TIMM21: variants seen among roughly 807,000 people sequenced by gnomAD.
The protein encoded by TIMM21 is translocase of inner mitochondrial membrane 21, also known as mitochondrial import inner membrane translocase subunit Tim21.
Under a neutral mutation model 27.7 loss-of-function variants are expected in TIMM21, and 30 were observed. The ratio of observed to expected loss-of-function variants is 1.08; its 90% CI spans 0.81 to 1.47. The LOEUF is 1.47. Ranked by LOEUF, TIMM21 falls within the 40% of genes most tolerant of loss-of-function variation. TIMM21 has a pLI of 0.00. For synonymous variants in TIMM21, 121 were observed against 114.4 expected, an observed-to-expected ratio of 1.06 and a Z score of -0.37; for missense variants, 292 against 302.9, an observed-to-expected ratio of 0.96 and a Z score of 0.27.
chr18:74,159,505 T>G lies in TIMM21; in HGVS notation c.*1025T>G, dbSNP rs150110747. ...GAACTGTCTGTAGAGGAATTTCTGA[T>G]GTGTTCTTGAAATTTTGGGATATTC... On this transcript the variant is annotated 3_prime_UTR_variant, in exon 6 of 6. Transcript: ENST00000169551. 2.0e-3 allele frequency: 303 copies of G among 152,178 alleles called. 1 individual carries two copies. The highest frequency in any genetic ancestry group is 7.0e-3 in the African/African-American group (291 of 41,518). The allele number at this position is 152,178 out of a possible 1,614,324, so 9.4% of individuals were successfully genotyped here. A position where few individuals can be genotyped will look rare whatever the true frequency, so the allele number is the denominator to read the frequency against.
At chr18:74,156,615 CG>C (rs1352399354) in intron 3 of TIMM21, 4 of 236,190 alleles carry the variant, frequency 1.7e-5, no homozygotes, top group Non-Finnish European at 2.4e-5. Flanking sequence ...TTACAGACTC[CG>C]GAAATACCTG....
At chr18:74,157,760 T>C in intron 3 of TIMM21, 1 of 441,774 alleles carries the variant, frequency 2.3e-6, no homozygotes, top group Non-Finnish European at 4.1e-6. Flanking sequence ...CATGCCCAGC[T>C]GATTTTTATA....
chr18:74,154,284 C>T (rs1358260069), intron 1 of TIMM21, among the ~76,000 whole-genome samples: 1 of 150,534 alleles, frequency 6.6e-6, no homozygotes. Context: ...TTTTTTTGGA[C>T]GGAGTCTCGC....
At chr18:74,157,742 C>T (rs921645130) in intron 3 of TIMM21, 17 of 375,848 alleles carry the variant, frequency 4.5e-5, no homozygotes, top group Middle Eastern at 8.0e-4. Context: ...ACTACAGATG[C>T]GCATCACCAT....
At chr18:74,158,349 T>G in intron 5 of TIMM21, 27 bp from the exon 6 acceptor site, 2 of 1,605,804 alleles carry the variant, frequency 1.2e-6, no homozygotes, top group Non-Finnish European at 8.5e-7. Flanking sequence ...AGGAAAATAA[T>G]ACCTGGAAAC....
chr18:74,158,351 C>A, intron 5 of TIMM21, 25 bp from the exon 6 acceptor site: 1 of 1,604,730 alleles, frequency 6.2e-7, no homozygotes, highest in South Asian at 1.1e-5. Context: ...GAAAATAATA[C>A]CTGGAAACAC....
At chr18:74,149,852 G>T (rs1435571321) in intron 1 of TIMM21, among the ~76,000 whole-genome samples, 1 of 152,184 alleles carries the variant, frequency 6.6e-6, no homozygotes, top group African/African-American at 2.4e-5. Flanking sequence ...TCTGGCTCAG[G>T]CAACAGTGCT....
chr18:74,156,421 G>A (rs768609262), intron 3 of TIMM21: 13 of 396,762 alleles, frequency 3.3e-5, no homozygotes, highest in African/African-American at 1.4e-4. Flanking sequence ...AGAAGCTAAC[G>A]ATCTCTGGCA....
chr18:74,154,685 A>G (rs776811041), intron 1 of TIMM21, among the ~76,000 whole-genome samples: 3 of 152,160 alleles, frequency 2.0e-5, no homozygotes, highest in Non-Finnish European at 4.4e-5. Context: ...TTCTAAGTTT[A>G]ATTCATAAAT....
rs775657101 is a variant in TIMM21, at chr18:74,158,039, T to C, written c.488T>C (p.Val163Ala). The C allele has an allele frequency of 6.2e-7, 1 of 1,614,190 alleles. No individual in the cohort carries two copies. Among genetic ancestry groups the C allele is most frequent in the Non-Finnish European group, 8.5e-7 (1 of 1,180,044 alleles). ...GTGATCGGTGTCTTTGGTGAGTCTG[T>C]TAAAGGCTATGGGGAGGTGACAAGG... The part of the protein sequence containing the change: ...PEVIGVFGES[V>A]KGYGEVTRRG... The change falls in exon 4 of 6, where the codon GTT becomes GCT. Residue 163 changes from valine (V) to alanine (A), a missense_variant. Val to Ala is a moderately conservative substitution (Grantham distance 64). Coordinates refer to ENST00000169551, the MANE Select transcript of TIMM21 (RefSeq NM_014177.3).
chr18:74,156,081 C>T (rs183019288), intron 3 of TIMM21, among the ~76,000 whole-genome samples: 41 of 152,300 alleles, frequency 2.7e-4, no homozygotes, highest in African/African-American at 8.7e-4. Context: ...TGTGACCTTC[C>T]AGTCACACGT....
Position 74,158,381 on chromosome 18 carries a change from AG to A in TIMM21, c.650del (p.Gly217GlufsTer12). ...TVYAQVKENPGSGEYDFRYIF... is the reference protein window; with the variant it reads ...TVYAQVKENPXSGEYDFRYIF... ...AAACACTACATTTTTTTCAGAACCC[AG>A]GAAGTGGTGAATATGATTTTCGATA... is the stretch of plus-strand genomic sequence containing the variant. On this transcript the variant is annotated frameshift_variant, in exon 6 of 6. Coordinates refer to ENST00000169551, the MANE Select transcript of TIMM21 (RefSeq NM_014177.3). LOFTEE classifies it low-confidence loss of function (END_TRUNC). The A allele has an allele frequency of 6.2e-7, 1 of 1,607,710 alleles. No homozygotes were observed. The highest frequency in any genetic ancestry group is 1.7e-4 in the Middle Eastern group (1 of 6,042).
chr18:74,154,988 C>T, intron 1 of TIMM21, 157 bp from the exon 2 acceptor site: 1 of 661,372 alleles, frequency 1.5e-6, no homozygotes, highest in Non-Finnish European at 2.7e-6. Flanking sequence ...GAGGCGCTGA[C>T]ACACAGGGAG....
At chr18:74,149,228 C>A in intron 1 of TIMM21, 119 bp downstream of exon 1, 2 of 1,152,934 alleles carry the variant, frequency 1.7e-6, no homozygotes, top group Non-Finnish European at 1.2e-6. Context: ...TTTTTAAAAA[C>A]CGTTTAAACA....
At chr18:74,151,210 C>G (rs1007274709) in intron 1 of TIMM21, among the ~76,000 whole-genome samples, 1 of 152,188 alleles carries the variant, frequency 6.6e-6, no homozygotes, top group African/African-American at 2.4e-5. Context: ...CAGTTACATA[C>G]GCTTTCCTTC....
chr18:74,158,252 A>T lies in TIMM21; in HGVS notation c.618A>T (p.Gly206=). 6.2e-7 allele frequency: 1 copy of T among 1,614,226 alleles called. No homozygotes were observed. Among genetic ancestry groups the T allele is most frequent in the East Asian group, 2.2e-5 (1 of 44,880 alleles). The change falls in exon 5 of 6, where the codon GGA becomes GGT. Residue 206 remains glycine, a synonymous_variant. Transcript: ENST00000169551. The stretch of plus-strand genomic sequence containing the variant: ...AGGGCTCTGAGCCAGGGAAGCAAGG[A>T]ACGGTGTATGCGCAAGTGAAAGAGG... ...YIEGSEPGKQ[G]TVYAQVKENP... is the part of the protein sequence containing the mutation.
chr18:74,156,337 C>A (rs1248373159), intron 3 of TIMM21: 1 of 398,148 alleles, frequency 2.5e-6, no homozygotes, highest in Non-Finnish European at 4.4e-6. Flanking sequence ...GTATAGAGCC[C>A]GGTGCTGATC....
At chr18:74,155,519 T>A (rs538663883) in intron 3 of TIMM21, 116 bp downstream of exon 3, 1 of 806,320 alleles carries the variant, frequency 1.2e-6, no homozygotes, top group African/African-American at 1.7e-5. Context: ...CACATAATAA[T>A]ACATAATGGT....
chr18:74,153,152 C>G (rs974620355), intron 1 of TIMM21, among the ~76,000 whole-genome samples: 3 of 152,146 alleles, frequency 2.0e-5, no homozygotes, highest in African/African-American at 7.2e-5. Context: ...TTTTTGCATA[C>G]AAGTATTAGG....
Sources: gnomAD v4.1 joint callset for allele counts (sites outside exome capture counted in the v4.1 genomes callset) on GRCh38, gnomAD v4.1.1 for gene constraint, MANE v1.5 for transcripts, NCBI Gene and HGNC (gene_info 2026-07-23, HGNC 2026-07-21) for gene names.